ATP9B: variants seen among roughly 807,000 people sequenced by gnomAD.
ATP9B encodes the protein probable phospholipid-transporting ATPase IIB.
In ATP9B, 110 loss-of-function variants were observed where a neutral mutation model predicts 146.1. The observed-to-expected ratio is 0.75, with a 90% CI of 0.65 to 0.88. The LOEUF (loss-of-function observed/expected upper bound fraction) is 0.88. ATP9B is among the 40% of genes least tolerant of loss of function. The pLI is 0.00. For synonymous variants in ATP9B, 604 were observed against 569.7 expected, an observed-to-expected ratio of 1.06 and a Z score of -0.86; for missense variants, 1,499 against 1,496.4, an observed-to-expected ratio of 1.00 and a Z score of -0.03.
intron 13 of ATP9B, among the ~76,000 whole-genome samples, chr18:79,282,180 T>C (rs1375523361): frequency 6.6e-6 from 1 of 152,198 alleles, no homozygotes; most frequent in East Asian, 1.9e-4. Flanking sequence ...GAAAGTAGTT[T>C]CTTGAAATGG....
rs2097088148 is a variant in ATP9B, at chr18:79,373,912, T to A, written c.3085T>A (p.Tyr1029Asn). 6.2e-7 allele frequency: 1 copy of A among 1,612,908 alleles called. No homozygotes were observed. The highest frequency in any genetic ancestry group is 8.5e-7 in the Non-Finnish European group (1 of 1,179,996). The change falls in exon 28 of 30, where the codon TAT (tyrosine) becomes AAT (asparagine). Residue 1029 changes from tyrosine to asparagine, a missense_variant. Physicochemically the swap from Tyr to Asn is moderately radical, Grantham distance 143. Coordinates refer to ENST00000426216, the MANE Select transcript of ATP9B (RefSeq NM_198531.5). Reference protein sequence around the residue: ...ISIYQGGILMYGALVLFESEF... With the variant: ...ISIYQGGILMNGALVLFESEF... ...CTGTTTTTCAGGCGGCATCCTCATGTATGGGGCCCTGGTGCTCTTCGAGTC... is the reference window on the plus strand; with the variant it reads ...CTGTTTTTCAGGCGGCATCCTCATGAATGGGGCCCTGGTGCTCTTCGAGTC...
chr18:79,089,588 C>T (rs939080157), intron 1 of ATP9B, among the ~76,000 whole-genome samples: 1 of 152,038 alleles, frequency 6.6e-6, no homozygotes, highest in South Asian at 2.1e-4. Context: ...GAAGACCTCT[C>T]CCTCACTTCC....
chr18:79,313,093 T>C (rs1235467919), intron 15 of ATP9B, among the ~76,000 whole-genome samples: 1 of 152,238 alleles, frequency 6.6e-6, no homozygotes, highest in South Asian at 2.1e-4. Flanking sequence ...CCATCAGCCC[T>C]GTTACAGTTC....
At chr18:79,325,310 G>A (rs1000116710) in intron 15 of ATP9B, among the ~76,000 whole-genome samples, 1 of 151,966 alleles carries the variant, frequency 6.6e-6, no homozygotes, top group Non-Finnish European at 1.5e-5. Context: ...AGTGCACGTC[G>A]GATTTTGTAA....
intron 3 of ATP9B, among the ~76,000 whole-genome samples, chr18:79,111,181 T>C (rs769893311): frequency 5.3e-5 from 8 of 152,216 alleles, no homozygotes; most frequent in Non-Finnish European, 1.0e-4. Flanking sequence ...TTGTGTTTTG[T>C]ATGTCATTCC....
intron 4 of ATP9B, among the ~76,000 whole-genome samples, chr18:79,124,369 A>G (rs182682714): frequency 1.3e-5 from 2 of 152,378 alleles, no homozygotes; most frequent in Admixed American, 1.3e-4. Flanking sequence ...TTATCTAAAA[A>G]AAGAATACAG....
At chr18:79,161,581 G>A (rs1489262871) in intron 7 of ATP9B, among the ~76,000 whole-genome samples, 1 of 152,174 alleles carries the variant, frequency 6.6e-6, no homozygotes, top group Non-Finnish European at 1.5e-5. Flanking sequence ...GGGCACGGTG[G>A]CTCACGCTTG....
At chr18:79,200,502 G>A (rs890275088) in intron 9 of ATP9B, among the ~76,000 whole-genome samples, 2 of 152,160 alleles carry the variant, frequency 1.3e-5, no homozygotes, top group African/African-American at 2.4e-5. Context: ...AAGGCAGCAG[G>A]ATGGGTAGCT....
At chr18:79,327,583 CGTGGTT>C (rs2096759297) in intron 15 of ATP9B, among the ~76,000 whole-genome samples, 1 of 123,368 alleles carries the variant, frequency 8.1e-6, no homozygotes, top group Non-Finnish European at 1.7e-5. Context: ...GCGTGCTCTC[CGTGGTT>C]AACGTGCCCT....
chr18:79,189,043 A>G (rs1377766945), intron 8 of ATP9B, among the ~76,000 whole-genome samples: 2 of 152,154 alleles, frequency 1.3e-5, no homozygotes, highest in African/African-American at 2.4e-5. Context: ...CATTTCACAT[A>G]AAATACAAGA....
At chr18:79,376,252 AACAAATCCC>A in intron 29 of ATP9B, 2 of 984,326 alleles carry the variant, frequency 2.0e-6, no homozygotes, top group Non-Finnish European at 2.4e-6. Context: ...AGATCGTCCA[AACAAATCCC>A]ACAGGTTAGG....
intron 12 of ATP9B, among the ~76,000 whole-genome samples, chr18:79,261,485 C>T (rs114457451): frequency 0.032 from 4,919 of 152,090 alleles, 157 homozygotes; most frequent in African/African-American, 0.078. Context: ...AGCCAGGGCA[C>T]GCCAAGGACT....
chr18:79,236,010 G>A (rs1568463361), intron 11 of ATP9B, among the ~76,000 whole-genome samples: 3 of 152,008 alleles, frequency 2.0e-5, no homozygotes, highest in Admixed American at 6.6e-5. Flanking sequence ...GGTGTGTACC[G>A]AGCGAGTGGT....
intron 1 of ATP9B, among the ~76,000 whole-genome samples, chr18:79,083,014 T>G (rs559172360): frequency 6.6e-6 from 1 of 152,308 alleles, no homozygotes; most frequent in African/African-American, 2.4e-5. Flanking sequence ...CAACCTACCC[T>G]TCCCCCAGGT....
At chr18:79,148,182 G>A (rs993714758) in intron 6 of ATP9B, among the ~76,000 whole-genome samples, 2 of 150,854 alleles carry the variant, frequency 1.3e-5, no homozygotes, top group Admixed American at 6.6e-5. Flanking sequence ...TAAAGCTCTA[G>A]GAAGGAAATA....
At chr18:79,205,615 G>A (rs2148331601) in intron 9 of ATP9B, among the ~76,000 whole-genome samples, 1 of 152,222 alleles carries the variant, frequency 6.6e-6, no homozygotes, top group South Asian at 2.1e-4. Context: ...CTATCCAGAT[G>A]TCGAGGTCAC....
chr18:79,326,532 T>TCTGCACACTCTCTCC (rs1179590457), intron 15 of ATP9B, among the ~76,000 whole-genome samples: 1 of 150,818 alleles, frequency 6.6e-6, no homozygotes, highest in Admixed American at 6.6e-5. Flanking sequence ...GTGTGTCATC[T>TCTGCACACTCTCTCC]CTGCACACTC....
intron 3 of ATP9B, among the ~76,000 whole-genome samples, chr18:79,112,895 CT>C (rs2093999290): frequency 6.6e-6 from 1 of 152,102 alleles, no homozygotes; most frequent in African/African-American, 2.4e-5. Flanking sequence ...TGCTATCTAA[CT>C]TTTTTTCATG....
At chr18:79,272,210 T>G (rs558740505) in intron 12 of ATP9B, among the ~76,000 whole-genome samples, 1 of 152,328 alleles carries the variant, frequency 6.6e-6, no homozygotes, top group East Asian at 1.9e-4. Context: ...CTGTATTTTC[T>G]GTGTCTTAGG....
Sources: gnomAD v4.1 joint callset for allele counts (sites outside exome capture counted in the v4.1 genomes callset) on GRCh38, gnomAD v4.1.1 for gene constraint, MANE v1.5 for transcripts, NCBI Gene and HGNC (gene_info 2026-07-23, HGNC 2026-07-21) for gene names.